The following SLFN5 variants were observed in gnomAD, a reference collection of about 807,000 sequenced individuals.
The protein encoded by SLFN5 is schlafen family member 5.
Under a neutral mutation model 48.5 loss-of-function variants are expected in SLFN5, and 34 were observed. The observed-to-expected ratio is 0.70, with a 90% confidence interval of 0.53 to 0.93. The LOEUF is 0.93. Ranked by LOEUF, SLFN5 falls within the 40% of genes least tolerant of loss-of-function variation. The pLI is 0.00. For missense variants in SLFN5, 1,006 were observed against 1,071.3 expected (o/e 0.94, Z 0.85); for synonymous variants, 387 against 396.2 (o/e 0.98, Z 0.28).
intron 3 of SLFN5, among the ~76,000 whole-genome samples, chr17:35,262,628 C>T (rs1256092899): frequency 1.3e-5 from 2 of 151,928 alleles, no homozygotes; most frequent in East Asian, 3.9e-4. Flanking sequence ...TTTAGGAGAC[C>T]GAGGTGGGAG....
chr17:35,266,660 CTG>C lies in SLFN5; in HGVS notation c.*776_*777del, dbSNP rs939044706. On this transcript the variant is annotated 3_prime_UTR_variant, in exon 5 of 5. Transcript: ENST00000299977. ...TGCCACAGTCCCCCAGGGAGGCACA[CTG>C]TGTTTTACTGATTGATTTGAAGATG... 3.9e-5 allele frequency: 6 copies of C among 152,148 alleles called. No individual in the cohort carries two copies. The highest frequency in any genetic ancestry group is 8.8e-5 in the Non-Finnish European group (6 of 68,044). The allele number at this position is 152,148 out of a possible 1,614,324, so 9.4% of individuals were successfully genotyped here.
rs1904834389 is a variant in SLFN5 at position 35,271,668 on chromosome 17, C to T, written c.*5780C>T. On this transcript the variant is annotated 3_prime_UTR_variant, in exon 5 of 5. Transcript: ENST00000299977. ...AAATATATCAATTTTCACTGTTAAT[C>T]TATAAATTCAGTGTAATCCCAATAA... 2 of 152,140 alleles carry T rather than the reference C, an allele frequency of 1.3e-5. No homozygotes were observed. Among genetic ancestry groups the T allele is most frequent in the South Asian group, 4.1e-4 (2 of 4,832 alleles). 9.4% of individuals were successfully genotyped at this position (152,140 alleles called of 1,614,324 possible).
In SLFN5 at chr17:35,259,029, A is replaced by T. The variant is rs1170828788; in HGVS notation, c.339A>T (p.Leu113Phe). Residue 113 changes from leucine (L) to phenylalanine (F), a missense_variant, in exon 2 of 5, where the codon TTA becomes TTT. By Grantham distance (22) the Leu-to-Phe change is conservative (BLOSUM62 0). Transcript: ENST00000299977. ...AGGCTGGTGTGCCACTTGCTACCTT[A>T]TGCTCCAATTTGTACCACAGAGAGA... Reference protein sequence around the residue: ...NTEAGVPLATLCSNLYHRERT... With the variant: ...NTEAGVPLATFCSNLYHRERT... 1.1e-5 allele frequency: 18 copies of T among 1,614,182 alleles called. No homozygotes were observed. The highest frequency in any genetic ancestry group is 1.4e-5 in the Non-Finnish European group (17 of 1,180,036).
intron 1 of SLFN5, among the ~76,000 whole-genome samples, chr17:35,253,614 A>G (rs1040263122): frequency 6.6e-6 from 1 of 151,442 alleles, no homozygotes; most frequent in Non-Finnish European, 1.5e-5. Context: ...GCCTCAAGCA[A>G]TCCTCCCACC....
Position 35,267,139 on chromosome 17 carries a change from T to G in SLFN5, c.*1251T>G, listed in dbSNP as rs1904719903. 6.6e-6 allele frequency: 1 copy of G among 152,200 alleles called. No homozygotes were observed. Among genetic ancestry groups the G allele is most frequent in the Non-Finnish European group, 1.5e-5 (1 of 68,038 alleles). The allele number at this position is 152,200 out of a possible 1,614,324, so 9.4% of individuals were successfully genotyped here. On this transcript the variant is annotated 3_prime_UTR_variant, in exon 5 of 5. Transcript: ENST00000299977. ...AGCAAGAAATTAGTCTATTGTGAAATGTTTTTACAACTAACTTGGAATATA... is the reference window on the plus strand; with the variant it reads ...AGCAAGAAATTAGTCTATTGTGAAAGGTTTTTACAACTAACTTGGAATATA...
intron 4 of SLFN5, 63 bp from the exon 5 acceptor site, chr17:35,265,009 G>C: frequency 6.4e-7 from 1 of 1,557,026 alleles, no homozygotes; most frequent in Non-Finnish European, 8.7e-7. Context: ...GACCAGAGGG[G>C]TTTAAGAGTA....
intron 1 of SLFN5, among the ~76,000 whole-genome samples, chr17:35,257,695 T>C (rs918021352): frequency 2.0e-5 from 3 of 151,884 alleles, no homozygotes; most frequent in African/African-American, 7.3e-5. Context: ...GAAACACAGC[T>C]AGGATGTATA....
intron 1 of SLFN5, among the ~76,000 whole-genome samples, chr17:35,243,402 C>A (rs899490098): frequency 1.3e-5 from 2 of 152,166 alleles, no homozygotes; most frequent in African/African-American, 4.8e-5. Flanking sequence ...GAGGGAGAGG[C>A]GCCGACCCAG....
intron 1 of SLFN5, among the ~76,000 whole-genome samples, chr17:35,246,403 C>T (rs1262549401): frequency 6.6e-6 from 1 of 152,164 alleles, no homozygotes; most frequent in Non-Finnish European, 1.5e-5. Context: ...ATCCCATCAC[C>T]TAGGTATTAA....
chr17:35,246,171 T>C (rs1260240489), intron 1 of SLFN5, among the ~76,000 whole-genome samples: 1 of 152,232 alleles, frequency 6.6e-6, no homozygotes, highest in African/African-American at 2.4e-5. Flanking sequence ...TTTTATTCAT[T>C]TTTAAATTGG....
chr17:35,263,904 C>A (rs1904595705), intron 3 of SLFN5, among the ~76,000 whole-genome samples: 1 of 151,554 alleles, frequency 6.6e-6, no homozygotes, highest in Non-Finnish European at 1.5e-5. Flanking sequence ...TTCATATTTT[C>A]TTCTTTCCTA....
rs1403543334 is a variant in SLFN5, at chr17:35,258,887, G to T, written c.197G>T (p.Gly66Val). The change falls in exon 2 of 5, where the codon GGC (glycine) becomes GTC (valine). Residue 66 changes from glycine (G) to valine (V), a missense_variant. By Grantham distance (109) the Gly-to-Val change is moderately radical. Coordinates refer to ENST00000299977, the MANE Select transcript of SLFN5 (RefSeq NM_144975.4). ...ATCAAGGCTGAGATTGAGAACAAAGGCTACAATTATGAACGTCATGGAGTA... is the reference window on the plus strand; with the variant it reads ...ATCAAGGCTGAGATTGAGAACAAAGTCTACAATTATGAACGTCATGGAGTA... Reference protein sequence around the residue: ...GIIKAEIENKGYNYERHGVGL... With the variant: ...GIIKAEIENKVYNYERHGVGL... 1 of 1,614,174 alleles carries T rather than the reference G, an allele frequency of 6.2e-7. No homozygotes were observed. Among genetic ancestry groups the T allele is most frequent in the South Asian group, 1.1e-5 (1 of 91,074 alleles).
intron 3 of SLFN5, among the ~76,000 whole-genome samples, chr17:35,261,413 T>C (rs1904516559): frequency 6.6e-6 from 1 of 152,130 alleles, no homozygotes. Flanking sequence ...CTCATACCTG[T>C]AATCCCAGCA....
At chr17:35,261,228 A>C in intron 3 of SLFN5, 132 bp downstream of exon 3, 1 of 1,048,810 alleles carries the variant, frequency 9.5e-7, no homozygotes, top group Non-Finnish European at 1.3e-6. Context: ...CCAAACCTTT[A>C]AAACTTTTAG....
At position 35,264,316 on chromosome 17, in the gene SLFN5, C is replaced by T; in HGVS notation, c.1272C>T (p.Ser424=). Residue 424 remains serine, a synonymous_variant, in exon 4 of 5, where the codon AGC becomes AGT. Transcript: ENST00000299977. ...AAGGAATATTGATTTTTTCTCAAAG[C>T]TGGGCTGTGGATTTAGGTCTGCAAG... ...FSQGILIFSQ[S]WAVDLGLQEK... is the part of the protein sequence containing the mutation. 6.2e-7 allele frequency: 1 copy of T among 1,614,124 alleles called. No homozygotes were observed. The highest frequency in any genetic ancestry group is 8.5e-7 in the Non-Finnish European group (1 of 1,180,028).
intron 1 of SLFN5, among the ~76,000 whole-genome samples, chr17:35,248,101 C>A (rs1471616): frequency 0.44 from 66,741 of 151,972 alleles, 17,453 homozygotes; most frequent in Non-Finnish European, 0.59. Context: ...TAAATACCCT[C>A]CTCATCTAGG....
chr17:35,257,349 A>T (rs115339939), intron 1 of SLFN5, among the ~76,000 whole-genome samples: 251 of 152,270 alleles, frequency 1.6e-3, no homozygotes, highest in African/African-American at 5.9e-3. Context: ...TGGTCCTGAC[A>T]TGTCGAAGAC....
chr17:35,266,177 T>TGTGTGTGTGTGTGTGTGCGC lies in SLFN5; in HGVS notation c.*290_*291insTGTGTGTGTGTGTGTGCGCG, dbSNP rs35160124. 157 of 173,414 alleles carry TGTGTGTGTGTGTGTGTGCGC rather than the reference T, an allele frequency of 9.1e-4. No individual in the cohort carries two copies. Among genetic ancestry groups the TGTGTGTGTGTGTGTGTGCGC allele is most frequent in the Non-Finnish European group, 1.5e-3 (125 of 85,162 alleles). 10.7% of individuals were successfully genotyped at this position (173,414 alleles called of 1,614,324 possible). On this transcript the variant is annotated 3_prime_UTR_variant, in exon 5 of 5. Transcript: ENST00000299977. ...GTGTGTGTGTGTGTGTGTGTGTGTG[T>TGTGTGTGTGTGTGTGTGCGC]GCGCGCGCGCACGTGCACATGTGTG...
intron 1 of SLFN5, among the ~76,000 whole-genome samples, chr17:35,257,111 T>A (rs138802078): frequency 1.7e-3 from 251 of 152,002 alleles, no homozygotes; most frequent in African/African-American, 6.0e-3. Context: ...CCAACCCCCA[T>A]CCGTGAAAAA....
Sources: gnomAD v4.1 joint callset for allele counts (sites outside exome capture counted in the v4.1 genomes callset) on GRCh38, gnomAD v4.1.1 for gene constraint, MANE v1.5 for transcripts, NCBI Gene and HGNC (gene_info 2026-07-23, HGNC 2026-07-21) for gene names.